Variants in COL2A1 observed in about 807,000 individuals in gnomAD.
COL2A1 encodes collagen alpha-1(II) chain.
A neutral mutation model predicts 204.5 loss-of-function variants in COL2A1; 28 were observed. The observed-to-expected ratio is 0.14, with a 90% CI of 0.10 to 0.19. COL2A1 has a LOEUF of 0.19. Ranked by LOEUF, COL2A1 falls within the 10% of genes least tolerant of loss-of-function variation. The probability of loss-of-function intolerance (pLI) is 1.00; values close to 1 mark genes in which losing one functional copy is unlikely to be tolerated. For missense variants in COL2A1, 1,388 were observed against 2,027.5 expected (o/e 0.68, Z 6.06); for synonymous variants, 708 against 718.7 (o/e 0.99, Z 0.24).
chr12:47,977,279 G>A (rs773779578), intron 46 of COL2A1, 41 bp downstream of exon 46: 43 of 1,583,160 alleles, frequency 2.7e-5, no homozygotes, highest in East Asian at 6.7e-5. Flanking sequence ...CAGCCCCACC[G>A]CGCAGGGGAA....
chr12:47,997,989 G>A lies in COL2A1; in HGVS notation c.375+43C>T, dbSNP rs777585961. The A allele has an allele frequency of 4.3e-6, 7 of 1,614,016 alleles. No individual in the cohort carries two copies. In the Admixed American group the frequency reaches 5.0e-5, roughly 12 times the overall value. ...GAGCCTGCAGATCAGTAACTTGCGC[G>A]CAGCGAGGAAGGGACGGAGAAAGAG... is the stretch of plus-strand genomic sequence containing the variant. On this transcript the variant is annotated intron_variant, in intron 5 of 53. Coordinates refer to ENST00000380518, the MANE Select transcript of COL2A1 (RefSeq NM_001844.5).
intron 18 of COL2A1, 84 bp downstream of exon 18, chr12:47,989,144 T>C: frequency 8.6e-7 from 1 of 1,163,386 alleles, no homozygotes; most frequent in Non-Finnish European, 1.3e-6. Flanking sequence ...CAGGTGGTTG[T>C]TGAGGGAGCA....
chr12:47,974,655 T>C lies in COL2A1; in HGVS notation c.4074+20A>G, dbSNP rs752166175. The C allele has an allele frequency of 3.1e-6, 5 of 1,613,164 alleles. No homozygotes were observed. The highest frequency in any genetic ancestry group is 1.3e-5 in the African/African-American group (1 of 74,912). ...TGAGGAGCCATCTCTGCTCATCATCTAGGGCACCCAGGTACTCACATGGAA... is the reference window on the plus strand; with the variant it reads ...TGAGGAGCCATCTCTGCTCATCATCCAGGGCACCCAGGTACTCACATGGAA... On this transcript the variant is annotated intron_variant, in intron 52 of 53. Coordinates refer to ENST00000380518, the MANE Select transcript of COL2A1 (RefSeq NM_001844.5).
intron 28 of COL2A1, 106 bp downstream of exon 28, chr12:47,984,440 C>T (rs985853343): frequency 1.4e-5 from 17 of 1,187,438 alleles, no homozygotes; most frequent in Non-Finnish European, 1.2e-6. Flanking sequence ...GATCAACACT[C>T]AATACTGAGG....
intron 7 of COL2A1, among the ~76,000 whole-genome samples, chr12:47,997,155 A>T (rs542681897): frequency 4.6e-5 from 7 of 152,352 alleles, no homozygotes; most frequent in African/African-American, 1.7e-4. Context: ...TTGATTCCAG[A>T]ATTGACTTTA....
chr12:47,996,106 C>G (rs1266028379), intron 8 of COL2A1, among the ~76,000 whole-genome samples, 187 bp from the exon 9 acceptor site: 1 of 152,126 alleles, frequency 6.6e-6, no homozygotes, highest in Non-Finnish European at 1.5e-5. Context: ...TTTATAGGCA[C>G]CATTTGGACA....
rs763095033 is a variant in COL2A1 at position 47,982,956 on chromosome 12, A to G, written c.2095-10T>C. The stretch of plus-strand genomic sequence containing the variant: ...GGAAACCTCGTTCACCCTGCGGCAG[A>G]GACACCAAGAAGTGATCAACCAACA... On this transcript the variant is annotated splice_polypyrimidine_tract_variant and intron_variant, in intron 32 of 53. Transcript: ENST00000380518. 1.9e-6 allele frequency: 3 copies of G among 1,613,588 alleles called. No homozygotes were observed. Among genetic ancestry groups the G allele is most frequent in the South Asian group, 1.1e-5 (1 of 91,070 alleles).
intron 1 of COL2A1, chr12:48,001,243 G>T (rs887819986): frequency 9.5e-6 from 1 of 105,464 alleles, no homozygotes; most frequent in South Asian, 3.2e-4. Context: ...ATAGGAAAGA[G>T]CCACAAACCC....
chr12:47,988,882 G>C (rs1000264739), intron 18 of COL2A1, among the ~76,000 whole-genome samples: 6 of 152,256 alleles, frequency 3.9e-5, no homozygotes, highest in Non-Finnish European at 7.3e-5. Flanking sequence ...AGCTTGCTCA[G>C]CTGTTGGGTC....
chr12:47,985,846 G>T lies in COL2A1; in HGVS notation c.1582-20C>A. 1 of 1,598,916 alleles carries T rather than the reference G, an allele frequency of 6.3e-7. No individual in the cohort carries two copies. On this transcript the variant is annotated intron_variant, in intron 24 of 53. Coordinates refer to ENST00000380518, the MANE Select transcript of COL2A1 (RefSeq NM_001844.5). ...GGCTCCCTACAAGGGTACACAGGGA[G>T]TCAGTGGGATACCATGTGACCTCAG...
chr12:47,978,512 C>T lies in COL2A1; in HGVS notation c.2895+85G>A, dbSNP rs1938856368. 2 of 1,589,174 alleles carry T rather than the reference C, an allele frequency of 1.3e-6. No homozygotes were observed. Among genetic ancestry groups the T allele is most frequent in the South Asian group, 1.1e-5 (1 of 88,780 alleles). The stretch of plus-strand genomic sequence containing the variant: ...CCTGGCATCCCCACGGCCCCTGCTC[C>T]CTCCTACCCCATGCTCTGTGAGCTC... On this transcript the variant is annotated intron_variant, in intron 42 of 53. Coordinates refer to ENST00000380518, the MANE Select transcript of COL2A1 (RefSeq NM_001844.5). This position sits in a 1 kb window ranked among gnomAD's most constrained non-coding sequence, Gnocchi z 5.5.
chr12:47,981,479 T>G, intron 36 of COL2A1, 83 bp from the exon 37 acceptor site: 3 of 1,279,160 alleles, frequency 2.3e-6, no homozygotes, highest in Non-Finnish European at 3.3e-6. Flanking sequence ...TTGGGGGGCC[T>G]TGCTCGTGGG....
Position 47,978,363 on chromosome 12 carries a change from A to G in COL2A1, c.2931T>C (p.Ala977=). 3 of 1,614,074 alleles carry G rather than the reference A, an allele frequency of 1.9e-6. No individual in the cohort carries two copies. The highest frequency in any genetic ancestry group is 2.5e-6 in the Non-Finnish European group (3 of 1,180,022). Residue 977 remains alanine (A), a synonymous_variant, in exon 43 of 54, where the codon GCT becomes GCC. Coordinates refer to ENST00000380518, the MANE Select transcript of COL2A1 (RefSeq NM_001844.5). The surrounding 1 kb of genome is among the most constrained non-coding windows in gnomAD (Gnocchi z 5.5). ...AEGPPGPQGL[A]GQRGIVGLPG... is the part of the protein sequence containing the mutation. ...GCAGACCGACGATGCCTCTCTGACC[A>G]GCCAGACCCTGGGGACCTGGTGGAC...
rs1175535716 is a variant in COL2A1 at position 47,974,526 on chromosome 12, A to C, written c.4074+149T>G. On this transcript the variant is annotated intron_variant, in intron 52 of 53. Transcript: ENST00000380518. Reference sequence around the variant, plus strand: ...CTTTTCCCACCTCCACGTGGGGAAAAAATACTTTTCCTCCTCTTTCCCTCC... The same window carrying C: ...CTTTTCCCACCTCCACGTGGGGAAACAATACTTTTCCTCCTCTTTCCCTCC... 18 of 1,254,240 alleles carry C rather than the reference A, an allele frequency of 1.4e-5. No homozygotes were observed. In the East Asian group the frequency reaches 3.9e-4, roughly 27 times the overall value. 77.7% of individuals were successfully genotyped at this position (1,254,240 alleles called of 1,614,324 possible).
intron 29 of COL2A1, 43 bp from the exon 30 acceptor site, chr12:47,983,779 G>T: frequency 6.4e-7 from 1 of 1,556,696 alleles, no homozygotes; most frequent in South Asian, 1.2e-5. Flanking sequence ...GTGTTCCAGA[G>T]ACCCTGAGAG....
chr12:47,989,835 G>T, intron 16 of COL2A1, 30 bp from the exon 17 acceptor site: 1 of 1,609,144 alleles, frequency 6.2e-7, no homozygotes. Flanking sequence ...GACCATGAGA[G>T]GTGCCCACAG....
At chr12:47,993,434 T>C (rs375472039) in intron 15 of COL2A1, 24 bp downstream of exon 15, 2 of 1,589,054 alleles carry the variant, frequency 1.3e-6, no homozygotes, top group Non-Finnish European at 1.7e-6. Context: ...TTGATAAACC[T>C]TCCTGGAGGG....
rs111570218 is a variant in COL2A1, at chr12:47,982,950, C to T, written c.2095-4G>A. ...CACCTGGGAAACCTCGTTCACCCTG[C>T]GGCAGAGACACCAAGAAGTGATCAA... On this transcript the variant is annotated splice_polypyrimidine_tract_variant and splice_region_variant and intron_variant, in intron 32 of 53. Coordinates refer to ENST00000380518, the MANE Select transcript of COL2A1 (RefSeq NM_001844.5). 1,682 of 1,613,442 alleles carry T rather than the reference C, an allele frequency of 1.0e-3. 9 individuals are homozygous for T. The highest frequency in any genetic ancestry group is 2.6e-3 in the Middle Eastern group (16 of 6,062).
At chr12:47,997,487 G>A (rs1226428120) in intron 7 of COL2A1, 119 bp downstream of exon 7, 28 of 1,561,088 alleles carry the variant, frequency 1.8e-5, no homozygotes, top group Non-Finnish European at 2.5e-5. Flanking sequence ...AAAGCCCATG[G>A]ACAGGCTATG....
Sources: gnomAD v4.1 joint callset for allele counts (sites outside exome capture counted in the v4.1 genomes callset) on GRCh38, gnomAD v4.1.1 for gene constraint, Gnocchi (gnomAD v3.1) non-coding constraint, MANE v1.5 for transcripts, NCBI Gene and HGNC (gene_info 2026-07-23, HGNC 2026-07-21) for gene names.